The following SLC1A2 variants were observed in gnomAD, a reference collection of about 807,000 sequenced individuals.
The protein encoded by SLC1A2 is excitatory amino acid transporter 2.
SLC1A2 carries 15 observed loss-of-function variants against 48.8 expected under a neutral mutation model. That is an observed-to-expected ratio of 0.31 (90% confidence interval 0.21 to 0.47). The LOEUF is 0.47. Ranked by LOEUF, SLC1A2 falls within the 20% of genes least tolerant of loss-of-function variation. The pLI, the probability that SLC1A2 is intolerant of heterozygous loss-of-function variation, is 0.99. For missense variants in SLC1A2, 502 were observed against 730.5 expected (o/e 0.69, Z 3.61); for synonymous variants, 279 against 272.6 (o/e 1.02, Z -0.23).
intron 10 of SLC1A2, chr11:35,263,858 T>C (rs1023668253): frequency 1.9e-4 from 29 of 152,240 alleles, no homozygotes; most frequent in African/African-American, 6.7e-4. Context: ...AAATATAGGA[T>C]CTCACAGGAA....
chr11:35,383,558 C>A (rs767358693), intron 1 of SLC1A2, among the ~76,000 whole-genome samples: 1 of 152,188 alleles, frequency 6.6e-6, no homozygotes, highest in Non-Finnish European at 1.5e-5. Flanking sequence ...TACCCAGATT[C>A]TCTGTGTTTC....
chr11:35,353,789 T>C (rs1398115872), intron 1 of SLC1A2, among the ~76,000 whole-genome samples: 1 of 152,236 alleles, frequency 6.6e-6, no homozygotes, highest in African/African-American at 2.4e-5. Context: ...TTTAGGCATT[T>C]ATTATTATTG....
chr11:35,388,250 T>A (rs187272014), intron 1 of SLC1A2, among the ~76,000 whole-genome samples: 75 of 152,390 alleles, frequency 4.9e-4, no homozygotes, highest in African/African-American at 1.8e-3. Context: ...ATAGATTTAT[T>A]TAAAATGTCT....
At chr11:35,303,783 G>A (rs1851423357) in intron 5 of SLC1A2, among the ~76,000 whole-genome samples, 2 of 144,026 alleles carry the variant, frequency 1.4e-5, no homozygotes, top group South Asian at 5.0e-4. Context: ...ATTGTTTCTG[G>A]AGGTTTTTTA....
At chr11:35,379,990 G>A (rs770020878) in intron 1 of SLC1A2, among the ~76,000 whole-genome samples, 2 of 152,132 alleles carry the variant, frequency 1.3e-5, no homozygotes, top group African/African-American at 2.4e-5. Context: ...CGCTGATACC[G>A]GGTCAGGTTC....
intron 1 of SLC1A2, among the ~76,000 whole-genome samples, chr11:35,400,884 T>C (rs1363119983): frequency 1.3e-5 from 2 of 152,232 alleles, no homozygotes; most frequent in Non-Finnish European, 2.9e-5. Context: ...GGGGTTGGGC[T>C]ATGGCTTTGT....
At chr11:35,375,703 G>A (rs1408025322) in intron 1 of SLC1A2, among the ~76,000 whole-genome samples, 3 of 152,174 alleles carry the variant, frequency 2.0e-5, no homozygotes, top group Admixed American at 6.5e-5. Flanking sequence ...TTGCAGACCC[G>A]GGCAGTGGCA....
chr11:35,413,372 C>T (rs994929057), intron 1 of SLC1A2, among the ~76,000 whole-genome samples: 2 of 152,236 alleles, frequency 1.3e-5, no homozygotes, highest in African/African-American at 4.8e-5. Flanking sequence ...CCTACTCTTT[C>T]TGTGCCTCAG....
At chr11:35,303,638 T>A (rs187268266) in intron 5 of SLC1A2, among the ~76,000 whole-genome samples, 1 of 152,228 alleles carries the variant, frequency 6.6e-6, no homozygotes, top group Non-Finnish European at 1.5e-5. Flanking sequence ...ATGCCCGAGG[T>A]ATCAAGGTCC....
At chr11:35,386,022 C>G (rs1361892426) in intron 1 of SLC1A2, among the ~76,000 whole-genome samples, 1 of 152,022 alleles carries the variant, frequency 6.6e-6, no homozygotes, top group East Asian at 1.9e-4. Context: ...AAAAATTAGC[C>G]GGGCATGGTG....
At chr11:35,345,737 T>C (rs1323067329) in intron 1 of SLC1A2, among the ~76,000 whole-genome samples, 2 of 152,226 alleles carry the variant, frequency 1.3e-5, no homozygotes, top group Non-Finnish European at 2.9e-5. Flanking sequence ...AGTTTTACAA[T>C]ATATTTTCCA....
chr11:35,414,685 T>C (rs897176484), intron 1 of SLC1A2, among the ~76,000 whole-genome samples: 6 of 152,216 alleles, frequency 3.9e-5, no homozygotes, highest in Non-Finnish European at 8.8e-5. Context: ...AGCAAGGCAG[T>C]GTCTGGTGTT....
At chr11:35,272,569 G>A (rs1374973846) in intron 9 of SLC1A2, among the ~76,000 whole-genome samples, 1 of 152,216 alleles carries the variant, frequency 6.6e-6, no homozygotes, top group Non-Finnish European at 1.5e-5. Flanking sequence ...GGGGCCCAAG[G>A]CAGGACATGG....
intron 8 of SLC1A2, among the ~76,000 whole-genome samples, chr11:35,283,408 G>T (rs1172077620): frequency 6.6e-6 from 1 of 152,184 alleles, no homozygotes; most frequent in African/African-American, 2.4e-5. Flanking sequence ...CCCAGAGGTA[G>T]CCCTTGTGGT....
intron 1 of SLC1A2, among the ~76,000 whole-genome samples, chr11:35,377,996 T>C (rs1247990589): frequency 6.6e-6 from 1 of 152,214 alleles, no homozygotes; most frequent in African/African-American, 2.4e-5. Context: ...GAAGCAACAT[T>C]GTGCAGGAAC....
chr11:35,312,144 C>T (rs543407078), intron 4 of SLC1A2, 54 bp downstream of exon 4: 61 of 1,581,430 alleles, frequency 3.9e-5, no homozygotes, highest in Middle Eastern at 1.7e-4. Flanking sequence ...CTTAAGTTAT[C>T]GCCTTGATAA....
intron 1 of SLC1A2, among the ~76,000 whole-genome samples, chr11:35,395,475 C>T (rs1026650498): frequency 3.3e-5 from 5 of 151,938 alleles, no homozygotes; most frequent in African/African-American, 1.2e-4. Context: ...TAAGAGACCC[C>T]AAGACCCCAG....
At chr11:35,313,992 C>T (rs1324102794) in intron 3 of SLC1A2, among the ~76,000 whole-genome samples, 1 of 152,228 alleles carries the variant, frequency 6.6e-6, no homozygotes, top group African/African-American at 2.4e-5. Context: ...TGGACCAAAG[C>T]TCAGCTTCCT....
In SLC1A2 at chr11:35,256,312, C is replaced by T. The variant is rs551776796; in HGVS notation, c.*4582G>A. The T allele has an allele frequency of 2.6e-5, 4 of 152,336 alleles. No individual in the cohort carries two copies. The highest frequency in any genetic ancestry group is 5.9e-5 in the Non-Finnish European group (4 of 68,026). 9.4% of individuals were successfully genotyped at this position (152,336 alleles called of 1,614,324 possible). A position where few individuals can be genotyped will look rare whatever the true frequency, so the allele number is the denominator to read the frequency against. On this transcript the variant is annotated 3_prime_UTR_variant, in exon 11 of 11. Coordinates refer to ENST00000278379, the MANE Select transcript of SLC1A2 (RefSeq NM_004171.4). The stretch of plus-strand genomic sequence containing the variant: ...ATTTTAAAACCAAGCCTCACACTAA[C>T]TTGTGTGATGGCTTACTAAGCTGGC...
Sources: gnomAD v4.1 joint callset for allele counts (sites outside exome capture counted in the v4.1 genomes callset) on GRCh38, gnomAD v4.1.1 for gene constraint, MANE v1.5 for transcripts, NCBI Gene and HGNC (gene_info 2026-07-23, HGNC 2026-07-21) for gene names.